SCNN1A: variants seen among roughly 807,000 people sequenced by gnomAD.
SCNN1A encodes epithelial sodium channel subunit alpha.
SCNN1A carries 65 observed loss-of-function variants against 68.6 expected under a neutral mutation model. The ratio of observed to expected loss-of-function variants is 0.95; its 90% CI spans 0.78 to 1.16. The LOEUF (loss-of-function observed/expected upper bound fraction) is 1.16, where lower values mean the gene tolerates loss of function less well. Among genes scored for constraint, SCNN1A ranks in the 50% most tolerant of loss-of-function variants. SCNN1A has a pLI of 0.00. For synonymous variants in SCNN1A, 357 were observed against 353.3 expected (o/e 1.01, Z -0.12); for missense variants, 880 against 865.9 (o/e 1.02, Z -0.20).
At position 6,351,097 on chromosome 12, in the gene SCNN1A, G is replaced by T. The variant is rs1030823707; in HGVS notation, c.1361-1692C>A. On this transcript the variant is annotated intron_variant, in intron 8 of 12. Coordinates refer to ENST00000228916, the MANE Select transcript of SCNN1A (RefSeq NM_001038.6). This position sits in a 1 kb window ranked among gnomAD's most constrained non-coding sequence, Gnocchi z 4.2. Reference sequence around the variant, plus strand: ...TCCACACAAAAACTTGTACACAAATGCTCACAGCAGCATTATTCACAATAA... The same window carrying T: ...TCCACACAAAAACTTGTACACAAATTCTCACAGCAGCATTATTCACAATAA... 2.6e-5 allele frequency among the ~76,000 whole-genome samples: 4 copies of T among 152,252 alleles called. No individual in the cohort carries two copies. The highest frequency in any genetic ancestry group is 9.6e-5 in the African/African-American group (4 of 41,528).
At chr12:6,361,392 T>C (rs1467291861) in intron 4 of SCNN1A, among the ~76,000 whole-genome samples, 1 of 152,156 alleles carries the variant, frequency 6.6e-6, no homozygotes. Flanking sequence ...ATGAGACAGA[T>C]GATCTCCTAG....
intron 4 of SCNN1A, among the ~76,000 whole-genome samples, chr12:6,358,599 C>G (rs1948534209): frequency 1.8e-5 from 2 of 110,626 alleles, no homozygotes; most frequent in African/African-American, 8.2e-5. Flanking sequence ...TGGCTTACAC[C>G]TATAATCCCA....
chr12:6,370,178 C>T (rs1948763421), intron 2 of SCNN1A, among the ~76,000 whole-genome samples: 1 of 152,182 alleles, frequency 6.6e-6, no homozygotes, highest in Non-Finnish European at 1.5e-5. Flanking sequence ...CATTATTATC[C>T]CCATTTTACA....
At chr12:6,375,725 A>G, upstream of SCNN1A, 1 of 1,423,952 alleles carries the variant, frequency 7.0e-7, no homozygotes, top group Non-Finnish European at 9.2e-7. Context: ...GGGGCTTTAG[A>G]CGCAGACAGG....
chr12:6,363,694 C>G lies in SCNN1A; in HGVS notation c.433G>C (p.Glu145Gln). The G allele has an allele frequency of 6.2e-7, 1 of 1,600,740 alleles. No homozygotes were observed. Among genetic ancestry groups the G allele is most frequent in the Non-Finnish European group, 8.5e-7 (1 of 1,172,890 alleles). The change falls in exon 3 of 13, where the codon GAG becomes CAG. Residue 145 changes from glutamate to glutamine, a missense_variant. Around this residue, in one of 3 missense-constraint regions of SCNN1A, gnomAD observed 758 missense variants for 721.8 expected, o/e 1.05. Coordinates refer to ENST00000228916, the MANE Select transcript of SCNN1A (RefSeq NM_001038.6). ...ATGCGGTCCAGCTCCTCCAGCTCCT[C>G]TTTAATTTCCGGGTACCTGAAGGGG... is the stretch of plus-strand genomic sequence containing the variant. ...LNPYRYPEIK[E>Q]ELEELDRITE...
At chr12:6,352,546 AAGT>A (rs1402928732) in intron 8 of SCNN1A, among the ~76,000 whole-genome samples, 1 of 152,150 alleles carries the variant, frequency 6.6e-6, no homozygotes, top group East Asian at 1.9e-4. Flanking sequence ...CAAACCCACA[AAGT>A]AGAAATAATT....
chr12:6,353,771 A>G (rs1948435538), intron 8 of SCNN1A: 2 of 126,760 alleles, frequency 1.6e-5, no homozygotes, highest in African/African-American at 3.4e-5. Context: ...TTGTATTTTT[A>G]GTAGAGACGG....
chr12:6,349,492 A>T, intron 8 of SCNN1A, 87 bp from the exon 9 acceptor site: 1 of 893,132 alleles, frequency 1.1e-6, no homozygotes, highest in Non-Finnish European at 1.8e-6. Flanking sequence ...ATCCCTGGGT[A>T]CCCACTTTAC....
chr12:6,373,957 C>T (rs1345845015), intron 2 of SCNN1A, among the ~76,000 whole-genome samples: 1 of 152,224 alleles, frequency 6.6e-6, no homozygotes, highest in East Asian at 1.9e-4. Context: ...TAGCCTCACC[C>T]CTCCATCAGA....
intron 4 of SCNN1A, among the ~76,000 whole-genome samples, chr12:6,356,902 G>T (rs1466063100): frequency 6.6e-6 from 1 of 152,212 alleles, no homozygotes; most frequent in Admixed American, 6.5e-5. Context: ...TGGGGTTCTG[G>T]TTGTACGGTC....
At chr12:6,348,396 G>C (rs1948302744) in intron 12 of SCNN1A, 143 bp from the exon 13 acceptor site, 1 of 1,505,598 alleles carries the variant, frequency 6.6e-7, no homozygotes, top group Non-Finnish European at 9.0e-7. Flanking sequence ...CAGCCCCCTG[G>C]GCTCTTTGTC....
Position 6,374,679 on chromosome 12 carries a change from A to G in SCNN1A, c.105T>C (p.Pro35=), listed in dbSNP as rs779509123. ...CCGCCGTGGGCTGCTGGGGCGCCGC[A>G]GGTTCGGGGCCCAGCCCCTGCTCCT... ...KREEQGLGPE[P]AAPQQPTAEE... The change falls in exon 2 of 13, where the codon CCT becomes CCC. Residue 35 remains proline, a synonymous_variant. Coordinates refer to ENST00000228916, the MANE Select transcript of SCNN1A (RefSeq NM_001038.6). The surrounding 1 kb of genome is among the most constrained non-coding windows in gnomAD (Gnocchi z 6.2). The G allele has an allele frequency of 6.2e-7, 1 of 1,613,810 alleles. No individual in the cohort carries two copies. Among genetic ancestry groups the G allele is most frequent in the Non-Finnish European group, 8.5e-7 (1 of 1,179,862 alleles).
chr12:6,377,170 C>T, upstream of SCNN1A: 4 of 1,203,584 alleles, frequency 3.3e-6, no homozygotes, highest in African/African-American at 1.5e-5. Flanking sequence ...TCTGTGGCTT[C>T]CTCTCTTGCG....
chr12:6,376,036 A>G (rs1360137394), upstream of SCNN1A: 17 of 993,130 alleles, frequency 1.7e-5, no homozygotes, highest in Admixed American at 5.9e-5. Context: ...GAAGGAGAGC[A>G]AGGGGGGAGT....
chr12:6,355,251 C>T, intron 6 of SCNN1A, 21 bp downstream of exon 6: 1 of 1,608,586 alleles, frequency 6.2e-7, no homozygotes, highest in Non-Finnish European at 8.5e-7. Context: ...TCCTTCCAGG[C>T]CTCCCAGTCA....
Position 6,363,697 on chromosome 12 carries a change from T to C in SCNN1A, c.430A>G (p.Lys144Glu). The change falls in exon 3 of 13, where the codon AAA becomes GAA. Residue 144 changes from lysine to glutamate, a missense_variant. Physicochemically the swap from Lys to Glu is moderately conservative, Grantham distance 56 (BLOSUM62 1). This residue lies in a region of SCNN1A where 758 missense variants were observed against 721.8 expected (regional missense o/e 1.05). Coordinates refer to ENST00000228916, the MANE Select transcript of SCNN1A (RefSeq NM_001038.6). The part of the protein sequence containing the change: ...TLNPYRYPEI[K>E]EELEELDRIT... The stretch of plus-strand genomic sequence containing the variant: ...CGGTCCAGCTCCTCCAGCTCCTCTT[T>C]AATTTCCGGGTACCTGAAGGGGCGA... 6.2e-7 allele frequency: 1 copy of C among 1,600,004 alleles called. No individual in the cohort carries two copies. Among genetic ancestry groups the C allele is most frequent in the Non-Finnish European group, 8.5e-7 (1 of 1,172,524 alleles).
chr12:6,369,394 G>GC (rs573917616), intron 2 of SCNN1A, among the ~76,000 whole-genome samples: 57 of 131,262 alleles, frequency 4.3e-4, no homozygotes, highest in Admixed American at 1.6e-3. Flanking sequence ...TCACTGATGA[G>GC]CCCCCCCACT....
Position 6,355,871 on chromosome 12 carries a change from A to G in SCNN1A, c.885T>C (p.Ser295=), listed in dbSNP as rs754948204. The change falls in exon 5 of 13, where the codon TCT becomes TCC. Residue 295 remains serine, a synonymous_variant. Coordinates refer to ENST00000228916, the MANE Select transcript of SCNN1A (RefSeq NM_001038.6). ...NQVSCNQANY[S]HFHHPMYGNC... Reference sequence around the variant, plus strand: ...TTCCATACATCGGGTGGTGGAAGTGAGAGTAATTCCTTATCAGGAAAGAGA... The same window carrying G: ...TTCCATACATCGGGTGGTGGAAGTGGGAGTAATTCCTTATCAGGAAAGAGA... 7 of 1,604,032 alleles carry G rather than the reference A, an allele frequency of 4.4e-6. No individual in the cohort carries two copies. The highest frequency in any genetic ancestry group is 6.0e-6 in the Non-Finnish European group (7 of 1,170,742).
intron 8 of SCNN1A, 100 bp from the exon 9 acceptor site, chr12:6,349,505 G>A (rs1464045620): frequency 3.7e-6 from 3 of 819,558 alleles, no homozygotes; most frequent in Non-Finnish European, 6.2e-6. Flanking sequence ...CACTTTACAA[G>A]AGCATTATTT....
Sources: allele counts gnomAD v4.1 joint callset (sites outside exome capture counted in the v4.1 genomes callset), GRCh38; gene constraint gnomAD v4.1.1; regional missense constraint gnomAD v4.1.1; non-coding constraint Gnocchi (gnomAD v3.1); transcripts MANE v1.5; gene names NCBI Gene and HGNC (gene_info 2026-07-23, HGNC 2026-07-21).